Variants in GPHN observed in about 807,000 individuals in gnomAD.
The protein encoded by GPHN is gephyrin.
Under a neutral mutation model 95.5 loss-of-function variants are expected in GPHN, and 17 were observed. The observed-to-expected ratio is 0.18, with a 90% confidence interval of 0.12 to 0.27. The LOEUF (loss-of-function observed/expected upper bound fraction) is 0.27. GPHN is among the 10% of genes least tolerant of loss of function. The probability of loss-of-function intolerance (pLI) is 1.00; values close to 1 mark genes in which losing one functional copy is unlikely to be tolerated. For missense variants in GPHN, 660 were observed against 978.1 expected (o/e 0.67, Z 4.34); for synonymous variants, 320 against 322.5 (o/e 0.99, Z 0.08).
chr14:66,621,185 C>A (rs970582588), intron 1 of GPHN, among the ~76,000 whole-genome samples: 14 of 151,122 alleles, frequency 9.3e-5, no homozygotes, highest in African/African-American at 3.2e-4. Context: ...CTGTGTTAGC[C>A]AGGGTGGTCT....
rs1163279624 is a variant in GPHN at position 67,181,546 on chromosome 14, C to A, written c.*609C>A. On this transcript the variant is annotated 3_prime_UTR_variant, in exon 23 of 23. Coordinates refer to ENST00000478722, the MANE Select transcript of GPHN (RefSeq NM_020806.5). ...AGTACTCTTGGGCAGTAACTGGACA[C>A]CTTTTATTTGAAGAAACAAACTGAA... 4.2e-6 allele frequency: 2 copies of A among 477,060 alleles called. No individual in the cohort carries two copies. Among genetic ancestry groups the A allele is most frequent in the African/African-American group, 2.0e-5 (1 of 50,478 alleles). 29.6% of individuals were successfully genotyped at this position (477,060 alleles called of 1,614,324 possible).
intron 18 of GPHN, among the ~76,000 whole-genome samples, chr14:67,149,311 T>C (rs762359275): frequency 2.6e-5 from 4 of 152,208 alleles, no homozygotes; most frequent in Non-Finnish European, 5.9e-5. Context: ...GCCATTGCAC[T>C]CTAGCCTAGG....
the GPHN span, among the ~76,000 whole-genome samples, chr14:67,606,970 T>C: frequency 6.6e-6 from 1 of 152,134 alleles, no homozygotes; most frequent in African/African-American, 2.4e-5. Flanking sequence ...TTAAAAAGCC[T>C]GATATATTCA....
intron 3 of GPHN, among the ~76,000 whole-genome samples, chr14:66,821,799 A>G (rs755126772): frequency 6.6e-6 from 1 of 152,182 alleles, no homozygotes; most frequent in Non-Finnish European, 1.5e-5. Context: ...TTGGCCAACA[A>G]AATATTACCT....
chr14:67,160,442 CAT>C lies in GPHN; in HGVS notation c.1910+955_1910+956del, dbSNP rs61264120. 1.3e-3 allele frequency among the ~76,000 whole-genome samples: 204 copies of C among 152,170 alleles called. 1 individual carries two copies. Among genetic ancestry groups the C allele is most frequent in the Non-Finnish European group, 2.2e-3 (151 of 68,008 alleles). ...TAAGGAAAATAACCATGAATTTGCA[CAT>C]CTCTTAAAAATTAATAATCCCTAAA... is the stretch of plus-strand genomic sequence containing the variant. On this transcript the variant is annotated intron_variant, in intron 19 of 22. Transcript: ENST00000478722.
At chr14:67,302,611 GA>G in the GPHN span, 3 of 1,370,686 alleles carry the variant, frequency 2.2e-6, no homozygotes, top group African/African-American at 4.5e-5. Flanking sequence ...ATAGCTTTTA[GA>G]AAGCTCTTAT....
chr14:67,342,385 G>A, the GPHN span, among the ~76,000 whole-genome samples: 3 of 151,678 alleles, frequency 2.0e-5, no homozygotes, highest in South Asian at 6.2e-4. Flanking sequence ...TGAATTCTAT[G>A]AATATATAAC....
At chr14:67,552,550 G>A in the GPHN span, among the ~76,000 whole-genome samples, 2 of 152,138 alleles carry the variant, frequency 1.3e-5, no homozygotes, top group Non-Finnish European at 2.9e-5. Context: ...GGCGGATCAC[G>A]AGGTCAGGAG....
intron 4 of GPHN, among the ~76,000 whole-genome samples, chr14:66,856,210 A>T (rs191521638): frequency 6.6e-5 from 10 of 152,254 alleles, no homozygotes; most frequent in East Asian, 5.8e-4. Flanking sequence ...AACTTGCCAT[A>T]TGGAAGTTAA....
the GPHN span, among the ~76,000 whole-genome samples, chr14:67,510,886 C>A: frequency 6.6e-6 from 1 of 152,154 alleles, no homozygotes; most frequent in African/African-American, 2.4e-5. Flanking sequence ...TCTCGCTGCA[C>A]CAGGGCCTGT....
chr14:67,071,330 G>C (rs1303262978), intron 11 of GPHN, among the ~76,000 whole-genome samples: 2 of 152,296 alleles, frequency 1.3e-5, no homozygotes, highest in Non-Finnish European at 2.9e-5. Context: ...CATGTTCTTT[G>C]TAGGGACATG....
rs377673677 is a variant in GPHN at position 66,965,171 on chromosome 14, T to C, written c.829-20T>C. 2.9e-5 allele frequency: 46 copies of C among 1,605,798 alleles called. No homozygotes were observed. Among genetic ancestry groups the C allele is most frequent in the Non-Finnish European group, 3.8e-5 (45 of 1,172,696 alleles). ...TTGACATTTTCAGAATATTAAACCATAGTTGTTCCCCTTGTTCAGATTCCA... is the reference window on the plus strand; with the variant it reads ...TTGACATTTTCAGAATATTAAACCACAGTTGTTCCCCTTGTTCAGATTCCA... On this transcript the variant is annotated intron_variant, in intron 8 of 22. Coordinates refer to ENST00000478722, the MANE Select transcript of GPHN (RefSeq NM_020806.5).
At chr14:66,955,931 A>G (rs1424747362) in intron 8 of GPHN, among the ~76,000 whole-genome samples, 1 of 152,150 alleles carries the variant, frequency 6.6e-6, no homozygotes, top group Non-Finnish European at 1.5e-5. Flanking sequence ...TATATGTGCC[A>G]CATTTTCTTA....
the GPHN span, among the ~76,000 whole-genome samples, chr14:67,307,099 A>G: frequency 2.0e-5 from 3 of 152,188 alleles, no homozygotes; most frequent in Non-Finnish European, 2.9e-5. Context: ...TTTCTTTTGT[A>G]TCACACATAG....
chr14:67,323,154 A>G, the GPHN span, among the ~76,000 whole-genome samples: 1 of 151,898 alleles, frequency 6.6e-6, no homozygotes, highest in Non-Finnish European at 1.5e-5. Context: ...ATTTCATTAC[A>G]TAAAAGAGCA....
the GPHN span, among the ~76,000 whole-genome samples, chr14:67,522,309 T>C: frequency 6.6e-6 from 1 of 152,238 alleles, no homozygotes; most frequent in African/African-American, 2.4e-5. Context: ...GCCTAGATGC[T>C]GGGCAAATTT....
At chr14:67,052,874 A>C (rs2075367228) in intron 10 of GPHN, among the ~76,000 whole-genome samples, 1 of 152,184 alleles carries the variant, frequency 6.6e-6, no homozygotes, top group Non-Finnish European at 1.5e-5. Flanking sequence ...TCAAGGCAGA[A>C]ATCAAGAAGT....
At chr14:67,722,764 G>C in the GPHN span, 2 of 1,423,552 alleles carry the variant, frequency 1.4e-6, no homozygotes, top group Middle Eastern at 1.7e-4. Flanking sequence ...TGCACTGGAA[G>C]CCGGTTCTCA....
the GPHN span, among the ~76,000 whole-genome samples, chr14:67,266,586 A>G: frequency 2.6e-5 from 4 of 152,044 alleles, no homozygotes; most frequent in East Asian, 1.9e-4. Flanking sequence ...TCGGCCTCCC[A>G]AAGTGTTGGG....
Sources: gnomAD v4.1 joint callset for allele counts (sites outside exome capture counted in the v4.1 genomes callset) on GRCh38, gnomAD v4.1.1 for gene constraint, MANE v1.5 for transcripts, NCBI Gene and HGNC (gene_info 2026-07-23, HGNC 2026-07-21) for gene names.